The following COL5A1 variants were observed in gnomAD, a reference collection of about 807,000 sequenced individuals.
COL5A1 encodes collagen type V alpha 1 chain.
A neutral mutation model predicts 263.7 loss-of-function variants in COL5A1; 16 were observed. The observed-to-expected ratio is 0.06, with a 90% CI of 0.04 to 0.09. COL5A1 has a LOEUF of 0.09. Ranked by LOEUF, COL5A1 falls within the 10% of genes least tolerant of loss-of-function variation. The pLI is 1.00. For missense variants in COL5A1, 2,036 were observed against 2,540.5 expected (o/e 0.80, Z 4.27); for synonymous variants, 1,012 against 1,004.5 (o/e 1.01, Z -0.14).
At position 134,650,295 on chromosome 9, in the gene COL5A1, A is replaced by AACCGTCTTCCATTGGAAGCG. The variant is rs1385346969; in HGVS notation, c.109+8013_109+8032dup. Among the ~76,000 whole-genome samples the AACCGTCTTCCATTGGAAGCG allele has an allele frequency of 2.6e-4, 40 of 152,310 alleles. No homozygotes were observed. In the South Asian group the frequency reaches 7.1e-3, roughly 27 times the overall value. On this transcript the variant is annotated intron_variant, in intron 1 of 65. Transcript: ENST00000371817. The stretch of plus-strand genomic sequence containing the variant: ...CCCAGTGAGAACACATGAGCATCGT[A>AACCGTCTTCCATTGGAAGCG]ACCGTCTTCCATTGGAAGCGACCGT...
In COL5A1 at chr9:134,756,883, T is replaced by C; in HGVS notation, c.1881+65T>C. 4.7e-6 allele frequency: 7 copies of C among 1,500,972 alleles called. No individual in the cohort carries two copies. The South Asian group carries it at 6.8e-5, about 14-fold the overall frequency. 93.0% of individuals were successfully genotyped at this position (1,500,972 alleles called of 1,614,324 possible). On this transcript the variant is annotated intron_variant, in intron 17 of 65. Coordinates refer to ENST00000371817, the MANE Select transcript of COL5A1 (RefSeq NM_000093.5). ...GTCATCCCTGGGGTCATGTTGATGA[T>C]GTAACCAAAATGCTGGTTATGTGAT...
intron 1 of COL5A1, among the ~76,000 whole-genome samples, chr9:134,662,651 C>T (rs1832245211): frequency 6.6e-6 from 1 of 152,204 alleles, no homozygotes; most frequent in South Asian, 2.1e-4. Flanking sequence ...GGGTTGTTCT[C>T]CACCCTCATG....
At chr9:134,792,397 A>G (rs1178421112) in intron 32 of COL5A1, among the ~76,000 whole-genome samples, 2 of 151,984 alleles carry the variant, frequency 1.3e-5, no homozygotes, top group East Asian at 1.9e-4. Flanking sequence ...TTATTTAGAG[A>G]CAGAGTCTCG....
intron 44 of COL5A1, 27 bp from the exon 45 acceptor site, chr9:134,811,312 C>CGG (rs1259360167): frequency 6.2e-7 from 1 of 1,612,184 alleles, no homozygotes; most frequent in East Asian, 2.2e-5. Flanking sequence ...CAAGAAGCTA[C>CGG]CTATGTCTCT....
intron 42 of COL5A1, among the ~76,000 whole-genome samples, chr9:134,808,191 A>G (rs751451235): frequency 1.3e-5 from 2 of 152,204 alleles, no homozygotes; most frequent in Non-Finnish European, 2.9e-5. Context: ...TCCCGGCTAC[A>G]TTTAGACCAG....
intron 18 of COL5A1, among the ~76,000 whole-genome samples, chr9:134,760,461 A>C (rs1394925829): frequency 3.6e-5 from 3 of 83,952 alleles, no homozygotes; most frequent in Non-Finnish European, 6.3e-5. Context: ...ACACCCACAC[A>C]CCCCCACATT....
chr9:134,801,606 G>A (rs1838116628), intron 37 of COL5A1, among the ~76,000 whole-genome samples: 1 of 152,156 alleles, frequency 6.6e-6, no homozygotes. Flanking sequence ...GACCAACATG[G>A]TGAAATCCTG....
chr9:134,746,171 G>C (rs890660636), intron 11 of COL5A1, among the ~76,000 whole-genome samples: 9 of 152,196 alleles, frequency 5.9e-5, no homozygotes, highest in Non-Finnish European at 1.5e-5. Flanking sequence ...GAGATGTCCA[G>C]CAGGAAGTGA....
At chr9:134,811,295 C>T (rs1838513440) in intron 44 of COL5A1, 44 bp from the exon 45 acceptor site, 1 of 1,595,714 alleles carries the variant, frequency 6.3e-7, no homozygotes, top group Admixed American at 1.7e-5. Context: ...CAGCCTTATC[C>T]ACGATCCAAG....
rs367719760 is a variant in COL5A1 at position 134,844,224 on chromosome 9, C to T, written c.*1921C>T. On this transcript the variant is annotated 3_prime_UTR_variant, in exon 66 of 66. Transcript: ENST00000371817. ...CCAAATTTCCCTGGAAAGTAAGTCT[C>T]GCTCTTGCCAAAGAAAAGTCTGGCT... is the stretch of plus-strand genomic sequence containing the variant. 6.6e-6 allele frequency: 1 copy of T among 152,650 alleles called. No homozygotes were observed. Among genetic ancestry groups the T allele is most frequent in the Non-Finnish European group, 1.5e-5 (1 of 68,048 alleles). 9.5% of individuals were successfully genotyped at this position (152,650 alleles called of 1,614,324 possible). A position where few individuals can be genotyped will look rare whatever the true frequency, so the allele number is the denominator to read the frequency against.
chr9:134,738,063 A>G (rs1242913687), intron 9 of COL5A1, among the ~76,000 whole-genome samples: 3 of 152,136 alleles, frequency 2.0e-5, no homozygotes, highest in African/African-American at 7.2e-5. Flanking sequence ...TATCCTTCCC[A>G]AATCCACCCG....
chr9:134,756,664 T>C, intron 16 of COL5A1, 101 bp from the exon 17 acceptor site: 1 of 1,305,890 alleles, frequency 7.7e-7, no homozygotes, highest in Non-Finnish European at 1.1e-6. Flanking sequence ...TGGGCGCGGC[T>C]CTGGTGGAAC....
intron 27 of COL5A1, among the ~76,000 whole-genome samples, chr9:134,777,238 C>T (rs1837085913): frequency 6.6e-6 from 1 of 152,232 alleles, no homozygotes; most frequent in Non-Finnish European, 1.5e-5. Flanking sequence ...AATATGAGTT[C>T]ACATCCAGGC....
At chr9:134,735,785 C>T (rs1308950079) in intron 9 of COL5A1, among the ~76,000 whole-genome samples, 1 of 152,258 alleles carries the variant, frequency 6.6e-6, no homozygotes, top group Non-Finnish European at 1.5e-5. Flanking sequence ...ATCTTGGAGG[C>T]TGCTTGGATG....
chr9:134,681,895 C>T lies in COL5A1; in HGVS notation c.110-9017C>T, dbSNP rs1165726153. On this transcript the variant is annotated intron_variant, in intron 1 of 65. Transcript: ENST00000371817. The surrounding 1 kb of genome is among the most constrained non-coding windows in gnomAD (Gnocchi z 4.3). ...GCTCTTCCTCTCTTTCTCTCTCTGT[C>T]TCTCCCTCTCTCTTTCTGTCTGTGT... Among the ~76,000 whole-genome samples the T allele has an allele frequency of 6.6e-6, 1 of 152,066 alleles. No individual in the cohort carries two copies. The highest frequency in any genetic ancestry group is 1.5e-5 in the Non-Finnish European group (1 of 67,980).
intron 29 of COL5A1, 121 bp from the exon 30 acceptor site, chr9:134,784,868 G>C: frequency 1.3e-6 from 1 of 793,486 alleles, no homozygotes; most frequent in Non-Finnish European, 2.2e-6. Context: ...CGAGCTGGTG[G>C]AGCAGCTCTG....
chr9:134,692,451 A>G (rs919594790), intron 2 of COL5A1, among the ~76,000 whole-genome samples: 2 of 152,210 alleles, frequency 1.3e-5, no homozygotes. Flanking sequence ...ACCTTGGCCC[A>G]GAAATTGCAC....
At chr9:134,810,340 C>T (rs1352082859) in intron 44 of COL5A1, 32 bp downstream of exon 44, 2 of 1,610,420 alleles carry the variant, frequency 1.2e-6, no homozygotes, top group Admixed American at 1.7e-5. Context: ...CGCGGCAGCC[C>T]CCAGGTCCCG....
intron 25 of COL5A1, among the ~76,000 whole-genome samples, chr9:134,771,342 G>T (rs1236914732): frequency 1.3e-5 from 2 of 152,242 alleles, no homozygotes; most frequent in South Asian, 2.1e-4. Flanking sequence ...CTCTGTTCAG[G>T]TCCAGCCCGG....
Sources: allele counts gnomAD v4.1 joint callset (sites outside exome capture counted in the v4.1 genomes callset), GRCh38; gene constraint gnomAD v4.1.1; non-coding constraint Gnocchi (gnomAD v3.1); transcripts MANE v1.5; gene names NCBI Gene and HGNC (gene_info 2026-07-23, HGNC 2026-07-21).